Variants in PALD1 observed in about 807,000 individuals in gnomAD.
PALD1 encodes the protein phosphatase domain containing paladin 1.
In PALD1, 57 loss-of-function variants were observed where a neutral mutation model predicts 96.0. The observed-to-expected ratio is 0.59, with a 90% confidence interval of 0.48 to 0.74. The LOEUF is 0.74. PALD1 is among the 30% of genes least tolerant of loss of function. The pLI is 0.00. For missense variants in PALD1, 1,063 were observed against 1,143.7 expected (o/e 0.93, Z 1.02); for synonymous variants, 464 against 473.6 (o/e 0.98, Z 0.26).
intron 12 of PALD1, 73 bp from the exon 13 acceptor site, chr10:70,538,819 T>A: frequency 1.5e-6 from 2 of 1,300,860 alleles, no homozygotes. Context: ...CCGTCTGCCT[T>A]GGGCCAGGTC....
chr10:70,494,323 AT>A (rs1564684518), intron 1 of PALD1, among the ~76,000 whole-genome samples: 1 of 152,074 alleles, frequency 6.6e-6, no homozygotes, highest in Non-Finnish European at 1.5e-5. Context: ...TGAGGCAGGG[AT>A]TTTTGCTCTG....
chr10:70,525,175 AT>A (rs35568945), intron 1 of PALD1, among the ~76,000 whole-genome samples: 27,079 of 136,848 alleles, frequency 0.2, 2,487 homozygotes, highest in Non-Finnish European at 0.22. Flanking sequence ...CTAATTTTGT[AT>A]TTTTTTTTTT....
intron 18 of PALD1, among the ~76,000 whole-genome samples, chr10:70,553,759 G>A (rs937769007): frequency 2.6e-5 from 4 of 152,172 alleles, no homozygotes; most frequent in Non-Finnish European, 4.4e-5. Context: ...TCTCAAGCGG[G>A]CGGAGGCACC....
intron 7 of PALD1, among the ~76,000 whole-genome samples, chr10:70,533,629 C>T (rs1222522748): frequency 1.3e-5 from 2 of 152,234 alleles, no homozygotes; most frequent in African/African-American, 2.4e-5. Context: ...CTCCAGCCCC[C>T]TTCAGGGCAT....
intron 7 of PALD1, among the ~76,000 whole-genome samples, chr10:70,533,513 T>C (rs1190141388): frequency 2.0e-5 from 3 of 152,166 alleles, no homozygotes; most frequent in African/African-American, 7.2e-5. Flanking sequence ...CCCGGACTAA[T>C]CACCTCACCT....
At chr10:70,562,777 G>C (rs759129571) in intron 18 of PALD1, among the ~76,000 whole-genome samples, 1 of 151,776 alleles carries the variant, frequency 6.6e-6, no homozygotes, top group Non-Finnish European at 1.5e-5. Flanking sequence ...TGCTGGGTGG[G>C]TGACATGTCT....
rs747594244 is a variant in PALD1 at position 70,541,168 on chromosome 10, T to C, written c.1975T>C (p.Phe659Leu). 2 of 1,613,712 alleles carry C rather than the reference T, an allele frequency of 1.2e-6. No individual in the cohort carries two copies. The highest frequency in any genetic ancestry group is 2.7e-5 in the African/African-American group (2 of 75,020). The change falls in exon 16 of 20, where the codon TTC becomes CTC. Residue 659 changes from phenylalanine to leucine, a missense_variant. Coordinates refer to ENST00000263563, the MANE Select transcript of PALD1 (RefSeq NM_014431.3). ...CAAGGACCCAGGCACTGGCTTCGTG[T>C]TCAGCTGCCTCAGCGGCCAGGGCCG... Reference protein sequence around the residue: ...LSKDPGTGFVFSCLSGQGRTT... With the variant: ...LSKDPGTGFVLSCLSGQGRTT...
intron 2 of PALD1, among the ~76,000 whole-genome samples, chr10:70,526,896 C>T (rs182399149): frequency 2.0e-5 from 3 of 152,212 alleles, no homozygotes; most frequent in Non-Finnish European, 2.9e-5. Context: ...AAATGTGTTC[C>T]GCACATCAAA....
At chr10:70,532,844 C>A (rs1847024056) in intron 6 of PALD1, 63 bp downstream of exon 6, 2 of 1,578,284 alleles carry the variant, frequency 1.3e-6, no homozygotes, top group Non-Finnish European at 1.7e-6. Context: ...CCAGCTGCAG[C>A]CTCAGTTTCA....
chr10:70,522,474 A>C (rs1410570918), intron 1 of PALD1, among the ~76,000 whole-genome samples: 1 of 152,064 alleles, frequency 6.6e-6, no homozygotes, highest in Non-Finnish European at 1.5e-5. Context: ...TGGGTCTGAT[A>C]ATGACTGTTG....
intron 1 of PALD1, among the ~76,000 whole-genome samples, chr10:70,508,573 A>G (rs1846441746): frequency 6.6e-6 from 1 of 152,218 alleles, no homozygotes; most frequent in African/African-American, 2.4e-5. Context: ...GCGCATGAGC[A>G]CGAGGTGCCA....
At chr10:70,505,525 A>T (rs1846368992) in intron 1 of PALD1, among the ~76,000 whole-genome samples, 1 of 151,822 alleles carries the variant, frequency 6.6e-6, no homozygotes, top group Non-Finnish European at 1.5e-5. Flanking sequence ...AATCGCTTCA[A>T]CCCGGGAGGC....
intron 17 of PALD1, among the ~76,000 whole-genome samples, chr10:70,544,490 G>A (rs888763834): frequency 1.4e-4 from 21 of 152,118 alleles, no homozygotes; most frequent in African/African-American, 4.8e-4. Flanking sequence ...GGGAGTGGAG[G>A]GAGAGGCAGG....
chr10:70,549,413 C>T (rs1310070993), intron 18 of PALD1, among the ~76,000 whole-genome samples: 1 of 152,244 alleles, frequency 6.6e-6, no homozygotes, highest in African/African-American at 2.4e-5. Flanking sequence ...ACCTCCCTGA[C>T]TCCTGAAGCT....
chr10:70,550,967 T>A (rs1211753692), intron 18 of PALD1, among the ~76,000 whole-genome samples: 1 of 152,256 alleles, frequency 6.6e-6, no homozygotes, highest in Non-Finnish European at 1.5e-5. Flanking sequence ...TATGTTTTCA[T>A]TTCTCTTGGT....
chr10:70,460,516 A>G, the PALD1 span, among the ~76,000 whole-genome samples: 1 of 151,928 alleles, frequency 6.6e-6, no homozygotes. Flanking sequence ...CAACACCACA[A>G]CATCCAACCT....
intron 5 of PALD1, 142 bp downstream of exon 5, chr10:70,531,596 G>C (rs1846992453): frequency 1.4e-6 from 1 of 739,324 alleles, no homozygotes; most frequent in South Asian, 2.1e-5. Context: ...TGGCTGCAAG[G>C]CTGACTCACG....
chr10:70,564,697 T>G (rs1268560068), intron 19 of PALD1, among the ~76,000 whole-genome samples, 178 bp downstream of exon 19: 2 of 152,212 alleles, frequency 1.3e-5, no homozygotes, highest in East Asian at 3.9e-4. Context: ...AATCTGACTT[T>G]GGGTCCCGAG....
At chr10:70,522,189 G>A (rs976994) in intron 1 of PALD1, among the ~76,000 whole-genome samples, 20,696 of 152,052 alleles carry the variant, frequency 0.14, 1,696 homozygotes, top group Admixed American at 0.21. Context: ...CACCCAGGCC[G>A]TTGTGATTTT....
Sources: allele counts gnomAD v4.1 joint callset (sites outside exome capture counted in the v4.1 genomes callset), GRCh38; gene constraint gnomAD v4.1.1; transcripts MANE v1.5; gene names NCBI Gene and HGNC (gene_info 2026-07-23, HGNC 2026-07-21).